CAV1: variants seen among roughly 807,000 people sequenced by gnomAD.
CAV1 encodes caveolin-1.
CAV1 carries 10 observed loss-of-function variants against 16.5 expected under a neutral mutation model. The observed-to-expected ratio is 0.61, with a 90% CI of 0.37 to 1.03. The LOEUF is 1.03. CAV1 is among the 50% of genes least tolerant of loss of function. The pLI is 0.01. For synonymous variants in CAV1, 76 were observed against 85.1 expected, an observed-to-expected ratio of 0.89 and a Z score of 0.59; for missense variants, 212 against 232.8, an observed-to-expected ratio of 0.91 and a Z score of 0.58.
intron 2 of CAV1, 80 bp downstream of exon 2, chr7:116,526,769 C>A (rs776333130): frequency 9.3e-6 from 14 of 1,510,394 alleles, no homozygotes; most frequent in Non-Finnish European, 1.3e-5. Context: ...TTTAGCATTG[C>A]CGTGTACGCA....
chr7:116,540,951 T>C (rs931616403), intron 2 of CAV1, among the ~76,000 whole-genome samples: 1 of 152,152 alleles, frequency 6.6e-6, no homozygotes, highest in Non-Finnish European at 1.5e-5. Flanking sequence ...GGCCAAGGTC[T>C]CCAGGTTGAG....
At position 116,559,414 on chromosome 7, in the gene CAV1, A is replaced by G; in HGVS notation, c.*127A>G. 2.8e-6 allele frequency: 2 copies of G among 702,650 alleles called. No individual in the cohort carries two copies. The highest frequency in any genetic ancestry group is 3.4e-5 in the South Asian group (2 of 59,602). 43.5% of individuals were successfully genotyped at this position (702,650 alleles called of 1,614,324 possible). A position where few individuals can be genotyped will look rare whatever the true frequency, so the allele number is the denominator to read the frequency against. On this transcript the variant is annotated 3_prime_UTR_variant, in exon 3 of 3. Transcript: ENST00000341049. The stretch of plus-strand genomic sequence containing the variant: ...TTGAATTATCTTGGTTGAAAATAAA[A>G]AGATCACTTTCTCAGTTTTCATAAG...
At chr7:116,526,221 G>A (rs1793554837) in intron 1 of CAV1, 1 of 1,014,378 alleles carries the variant, frequency 9.9e-7, no homozygotes, top group Non-Finnish European at 1.2e-6. Context: ...TGCGCGGGCG[G>A]GGGCCTTCGG....
At chr7:116,548,326 A>G (rs1794094715) in intron 2 of CAV1, among the ~76,000 whole-genome samples, 1 of 152,256 alleles carries the variant, frequency 6.6e-6, no homozygotes, top group Non-Finnish European at 1.5e-5. Context: ...AAAGCCAGAA[A>G]GACATGACAA....
chr7:116,559,265 T>A lies in CAV1; in HGVS notation c.515T>A (p.Ile172Asn). The A allele has an allele frequency of 6.2e-7, 1 of 1,612,880 alleles. No homozygotes were observed. Among genetic ancestry groups the A allele is most frequent in the Non-Finnish European group, 8.5e-7 (1 of 1,178,932 alleles). The change falls in exon 3 of 3, where the codon ATC (isoleucine) becomes AAC (asparagine). Residue 172 changes from isoleucine (I) to asparagine (N), a missense_variant. Coordinates refer to ENST00000341049, the MANE Select transcript of CAV1 (RefSeq NM_001753.5). ...GGGAAAATATTCAGCAATGTCCGCATCAACTTGCAGAAAGAAATATAAATG... is the reference window on the plus strand; with the variant it reads ...GGGAAAATATTCAGCAATGTCCGCAACAACTTGCAGAAAGAAATATAAATG... ...AVGKIFSNVR[I>N]NLQKEI
At chr7:116,557,450 T>C (rs1018841628) in intron 2 of CAV1, among the ~76,000 whole-genome samples, 1 of 152,206 alleles carries the variant, frequency 6.6e-6, no homozygotes, top group Non-Finnish European at 1.5e-5. Flanking sequence ...TTAAATCCCC[T>C]CCTATAGCTG....
At chr7:116,544,229 A>G (rs558843879) in intron 2 of CAV1, among the ~76,000 whole-genome samples, 11 of 152,368 alleles carry the variant, frequency 7.2e-5, no homozygotes, top group Non-Finnish European at 1.3e-4. Flanking sequence ...AATAAATTCA[A>G]TCAATGAATG....
intron 2 of CAV1, among the ~76,000 whole-genome samples, chr7:116,537,212 A>G (rs1793839099): frequency 6.6e-6 from 1 of 152,174 alleles, no homozygotes; most frequent in Admixed American, 6.5e-5. Flanking sequence ...ATATGTGCTT[A>G]ATATTCTGTC....
At chr7:116,532,164 A>ATGAAAAGC (rs1202650342) in intron 2 of CAV1, among the ~76,000 whole-genome samples, 7 of 152,208 alleles carry the variant, frequency 4.6e-5, no homozygotes, top group African/African-American at 1.7e-4. Flanking sequence ...GATGTGGGAT[A>ATGAAAAGC]TTCTTTCAGT....
chr7:116,549,935 T>C (rs528322616), intron 2 of CAV1, among the ~76,000 whole-genome samples: 2 of 152,304 alleles, frequency 1.3e-5, no homozygotes, highest in South Asian at 4.1e-4. Context: ...ACAAGTGACC[T>C]TCCTTCAATG....
At chr7:116,533,099 T>C (rs908433407) in intron 2 of CAV1, among the ~76,000 whole-genome samples, 2 of 152,222 alleles carry the variant, frequency 1.3e-5, no homozygotes, top group South Asian at 4.1e-4. Context: ...CCCAGCACTT[T>C]GGGAGCTCAA....
chr7:116,525,911 T>C, intron 1 of CAV1: 3 of 901,008 alleles, frequency 3.3e-6, no homozygotes, highest in Non-Finnish European at 4.0e-6. Flanking sequence ...GGGAGAGCCG[T>C]GGAGGGACAA....
intron 2 of CAV1, among the ~76,000 whole-genome samples, chr7:116,530,532 A>T (rs569498984): frequency 6.6e-6 from 1 of 152,274 alleles, no homozygotes; most frequent in African/African-American, 2.4e-5. Context: ...GAGAAGGAGG[A>T]TGTATTGCAG....
chr7:116,558,794 A>G lies in CAV1; in HGVS notation c.196-152A>G, dbSNP rs79493466. Reference sequence around the variant, plus strand: ...AAAAAATCTGTGTTCCCAAGTTCCAAGTGATGCTGATGCTGCTGGTTGCCT... The same window carrying G: ...AAAAAATCTGTGTTCCCAAGTTCCAGGTGATGCTGATGCTGCTGGTTGCCT... On this transcript the variant is annotated intron_variant, in intron 2 of 2. Transcript: ENST00000341049. 1,779 of 663,118 alleles carry G rather than the reference A, an allele frequency of 2.7e-3. 18 individuals carry two copies. The African/African-American group carries it at 0.029, about 11-fold the overall frequency. 41.1% of individuals were successfully genotyped at this position (663,118 alleles called of 1,614,324 possible).
At chr7:116,548,021 A>G (rs931823335) in intron 2 of CAV1, among the ~76,000 whole-genome samples, 5 of 152,174 alleles carry the variant, frequency 3.3e-5, no homozygotes, top group African/African-American at 1.2e-4. Context: ...ATCGATTATC[A>G]CACTCACTCA....
At chr7:116,533,764 A>G (rs534773586) in intron 2 of CAV1, among the ~76,000 whole-genome samples, 7 of 152,358 alleles carry the variant, frequency 4.6e-5, no homozygotes, top group African/African-American at 1.7e-4. Flanking sequence ...TTATATCTTT[A>G]GTCCAAACAA....
At position 116,527,745 on chromosome 7, in the gene CAV1, G is replaced by A. The variant is rs573970711; in HGVS notation, c.195+1056G>A. On this transcript the variant is annotated intron_variant, in intron 2 of 2. Coordinates refer to ENST00000341049, the MANE Select transcript of CAV1 (RefSeq NM_001753.5). ...TACAACCCCCAGCAATCAATGAGGCGGATGAGCAATTTCCACCCACCACGC... is the reference window on the plus strand; with the variant it reads ...TACAACCCCCAGCAATCAATGAGGCAGATGAGCAATTTCCACCCACCACGC... Among the ~76,000 whole-genome samples, 13 of 152,250 alleles carry A rather than the reference G, an allele frequency of 8.5e-5. No homozygotes were observed. The South Asian group carries it at 2.5e-3, about 29-fold the overall frequency.
At position 116,559,312 on chromosome 7, in the gene CAV1, A is replaced by G. The variant is rs2116118398; in HGVS notation, c.*25A>G. ...AATGACATTTCAAGGATAGAAGTAT[A>G]CCTGATTTTTTTTCCTTTTAATTTT... On this transcript the variant is annotated 3_prime_UTR_variant, in exon 3 of 3. Coordinates refer to ENST00000341049, the MANE Select transcript of CAV1 (RefSeq NM_001753.5). 6.4e-7 allele frequency: 1 copy of G among 1,574,004 alleles called. No individual in the cohort carries two copies. Among genetic ancestry groups the G allele is most frequent in the East Asian group, 2.2e-5 (1 of 44,548 alleles).
At chr7:116,557,039 G>A (rs2116103994) in intron 2 of CAV1, among the ~76,000 whole-genome samples, 1 of 152,276 alleles carries the variant, frequency 6.6e-6, no homozygotes, top group Admixed American at 6.5e-5. Flanking sequence ...AATTTGCACA[G>A]AAACTTCATA....
Sources: allele counts gnomAD v4.1 joint callset (sites outside exome capture counted in the v4.1 genomes callset), GRCh38; gene constraint gnomAD v4.1.1; transcripts MANE v1.5; gene names NCBI Gene and HGNC (gene_info 2026-07-23, HGNC 2026-07-21).